CCDC158: variants seen among roughly 807,000 people sequenced by gnomAD.
CCDC158 encodes the protein coiled-coil domain-containing protein 158.
In CCDC158, 116 loss-of-function variants were observed where a neutral mutation model predicts 138.6. That is an observed-to-expected ratio of 0.84 (90% CI 0.72 to 0.98). CCDC158 has a LOEUF of 0.98. CCDC158 is among the 50% of genes least tolerant of loss of function. CCDC158 has a pLI of 0.00. For synonymous variants in CCDC158, 436 were observed against 442.4 expected (o/e 0.99, Z 0.18); for missense variants, 1,265 against 1,306.1 (o/e 0.97, Z 0.48).
rs1724806952 is a variant in CCDC158 at position 76,367,589 on chromosome 4, A to G, written c.1535T>C (p.Ile512Thr). 2 of 1,614,074 alleles carry G rather than the reference A, an allele frequency of 1.2e-6. No homozygotes were observed. Among genetic ancestry groups the G allele is most frequent in the Middle Eastern group, 1.6e-4 (1 of 6,084 alleles). The change falls in exon 12 of 25, where the codon ATC becomes ACC. Residue 512 changes from isoleucine to threonine, a missense_variant. By Grantham distance (89) the Ile-to-Thr change is moderately conservative (BLOSUM62 -1). Transcript: ENST00000682701. ...TGTGATCTCTGCATTGGTAGCCTCGATGGCTCTCTCTTTTTCCTGGAGAGA... is the reference window on the plus strand; with the variant it reads ...TGTGATCTCTGCATTGGTAGCCTCGGTGGCTCTCTCTTTTTCCTGGAGAGA... ...TTSLQEKERA[I>T]EATNAEITKL...
chr4:76,352,461 CAG>C (rs1274968633), intron 16 of CCDC158: 3 of 152,006 alleles, frequency 2.0e-5, no homozygotes, highest in Non-Finnish European at 4.4e-5. Context: ...CTGAAATTCA[CAG>C]AGTCAATATA....
rs773595082 is a variant in CCDC158, at chr4:76,351,048, C to T, written c.2612G>A (p.Arg871His). Residue 871 changes from arginine to histidine, a missense_variant, in exon 18 of 25, where the codon CGT (arginine) becomes CAT (histidine). Arg to His is a conservative substitution (Grantham distance 29). Transcript: ENST00000682701. The stretch of plus-strand genomic sequence containing the variant: ...CGAAGATGGTACATTAGAATGAGAA[C>T]GAGTAACAGATGCTGGCTGGAGAAG... ...PRLLQPASVT[R>H]SHSNVPSSQS... 1.9e-5 allele frequency: 30 copies of T among 1,613,566 alleles called. No individual in the cohort carries two copies. Among genetic ancestry groups the T allele is most frequent in the South Asian group, 1.2e-4 (11 of 91,076 alleles).
chr4:76,321,032 C>T, intron 24 of CCDC158, among the ~76,000 whole-genome samples: 1 of 152,012 alleles, frequency 6.6e-6, no homozygotes, highest in East Asian at 1.9e-4. Context: ...GACTAATATC[C>T]AGAATCTACA....
chr4:76,346,215 C>T (rs1560810742), intron 18 of CCDC158, among the ~76,000 whole-genome samples: 2 of 152,164 alleles, frequency 1.3e-5, no homozygotes, highest in Non-Finnish European at 2.9e-5. Flanking sequence ...TGTTTCCTTA[C>T]ACCTTATACA....
chr4:76,412,532 G>A (rs151292881), intron 1 of CCDC158, among the ~76,000 whole-genome samples: 158 of 152,222 alleles, frequency 1.0e-3, no homozygotes, highest in African/African-American at 3.5e-3. Context: ...AAGCTGAGGT[G>A]GGCGCATCAC....
At position 76,334,127 on chromosome 4, in the gene CCDC158, C is replaced by G; in HGVS notation, c.2705G>C (p.Arg902Thr). 2 of 1,613,290 alleles carry G rather than the reference C, an allele frequency of 1.2e-6. No homozygotes were observed. The highest frequency in any genetic ancestry group is 1.7e-6 in the Non-Finnish European group (2 of 1,179,476). The change falls in exon 19 of 25, where the codon AGG becomes ACG. Residue 902 changes from arginine to threonine, a missense_variant. Arg to Thr is a moderately conservative substitution (Grantham distance 71). Coordinates refer to ENST00000682701, the MANE Select transcript of CCDC158 (RefSeq NM_001394954.1). The stretch of plus-strand genomic sequence containing the variant: ...CTCTTGGAGAAGCTGTTTCAGGTCC[C>G]TTGTTGGATCTTCCTTCAGTGTGTT... ...KANTLKEDPT[R>T]DLKQLLQELR...
At chr4:76,362,740 A>C (rs1724272552) in intron 12 of CCDC158, among the ~76,000 whole-genome samples, 1 of 152,216 alleles carries the variant, frequency 6.6e-6, no homozygotes, top group African/African-American at 2.4e-5. Context: ...GAGGGCCTCT[A>C]ACCTGGGCAC....
chr4:76,362,438 T>C, intron 12 of CCDC158, 123 bp from the exon 13 acceptor site: 1 of 591,992 alleles, frequency 1.7e-6, no homozygotes, highest in African/African-American at 1.9e-5. Flanking sequence ...TATCCTTTTC[T>C]GCCTCCTATC....
At chr4:76,378,446 T>C (rs1725918780) in intron 9 of CCDC158, among the ~76,000 whole-genome samples, 1 of 152,174 alleles carries the variant, frequency 6.6e-6, no homozygotes, top group Non-Finnish European at 1.5e-5. Flanking sequence ...TGCTTGGCTG[T>C]CTAAGGGTCT....
intron 4 of CCDC158, among the ~76,000 whole-genome samples, chr4:76,386,764 A>C (rs1297830338): frequency 6.6e-6 from 1 of 152,176 alleles, no homozygotes; most frequent in Admixed American, 6.5e-5. Flanking sequence ...TGTGCAGAGA[A>C]TCTGCATAGG....
intron 4 of CCDC158, among the ~76,000 whole-genome samples, chr4:76,386,379 G>A (rs28778126): frequency 0.034 from 3,766 of 110,770 alleles, 128 homozygotes; most frequent in African/African-American, 0.11. Flanking sequence ...TTAGGGTGTA[G>A]GCTGTAAATG....
intron 2 of CCDC158, among the ~76,000 whole-genome samples, chr4:76,404,013 A>T (rs1382345477): frequency 1.3e-5 from 2 of 152,178 alleles, no homozygotes; most frequent in African/African-American, 4.8e-5. Context: ...GATAGTCCAT[A>T]GCCCTGACAA....
chr4:76,353,757 C>T (rs974233945), intron 15 of CCDC158, among the ~76,000 whole-genome samples: 2 of 152,136 alleles, frequency 1.3e-5, no homozygotes, highest in Admixed American at 6.5e-5. Context: ...ATAGTTCCTG[C>T]GCTCAAGTCA....
At chr4:76,381,342 A>G (rs1726225954) in intron 8 of CCDC158, among the ~76,000 whole-genome samples, 1 of 152,244 alleles carries the variant, frequency 6.6e-6, no homozygotes, top group Non-Finnish European at 1.5e-5. Flanking sequence ...GAGCTGCCCA[A>G]CGCCTTGGGA....
intron 4 of CCDC158, among the ~76,000 whole-genome samples, chr4:76,385,168 A>G (rs75118145): frequency 0.029 from 4,472 of 152,266 alleles, 220 homozygotes; most frequent in African/African-American, 0.1. Flanking sequence ...AGTTGATGCC[A>G]TACCTAATCC....
intron 4 of CCDC158, among the ~76,000 whole-genome samples, chr4:76,391,606 G>A (rs1285572887): frequency 6.6e-6 from 1 of 151,624 alleles, no homozygotes; most frequent in Admixed American, 6.6e-5. Flanking sequence ...CAATTTAAAT[G>A]ATGTATTTTA....
chr4:76,393,677 A>G (rs1727514605), intron 4 of CCDC158, among the ~76,000 whole-genome samples: 1 of 152,134 alleles, frequency 6.6e-6, no homozygotes, highest in African/African-American at 2.4e-5. Context: ...GAAACAATCA[A>G]CAAAGTGAAG....
At position 76,384,383 on chromosome 4, in the gene CCDC158, C is replaced by T. The variant is rs781431724; in HGVS notation, c.431G>A (p.Arg144Lys). The T allele has an allele frequency of 8.7e-6, 14 of 1,613,778 alleles. No individual in the cohort carries two copies. The highest frequency in any genetic ancestry group is 1.0e-5 in the Non-Finnish European group (12 of 1,179,816). ...ATGAACTGTATTTTGAAGCTGATTT[C>T]TTAAATCCTCCTGGGACTGACTCTC... is the stretch of plus-strand genomic sequence containing the variant. ...RRESQSQEDL[R>K]NQLQNTVHEL... The change falls in exon 6 of 25, where the codon AGA becomes AAA. Residue 144 changes from arginine (R) to lysine (K), a missense_variant. Coordinates refer to ENST00000682701, the MANE Select transcript of CCDC158 (RefSeq NM_001394954.1).
chr4:76,359,498 T>C (rs1254736857), intron 13 of CCDC158, among the ~76,000 whole-genome samples: 1 of 152,190 alleles, frequency 6.6e-6, no homozygotes, highest in African/African-American at 2.4e-5. Flanking sequence ...ATATGAACAA[T>C]GAAGTCCAGG....
Sources: allele counts gnomAD v4.1 joint callset (sites outside exome capture counted in the v4.1 genomes callset), GRCh38; gene constraint gnomAD v4.1.1; transcripts MANE v1.5; gene names NCBI Gene and HGNC (gene_info 2026-07-23, HGNC 2026-07-21).